DNMT3A: variants seen among roughly 807,000 people sequenced by gnomAD.
The protein encoded by DNMT3A is DNA (cytosine-5)-methyltransferase 3A.
A neutral mutation model predicts 117.6 loss-of-function variants in DNMT3A; 267 were observed. The observed-to-expected ratio is 2.27, with a 90% CI of 2.05 to 2.51. The LOEUF (loss-of-function observed/expected upper bound fraction) is 2.51, where lower values mean the gene tolerates loss of function less well. Ranked by LOEUF, DNMT3A falls within the 30% of genes most tolerant of loss-of-function variation. DNMT3A has a pLI of 0.00. For synonymous variants in DNMT3A, 432 were observed against 474.8 expected (o/e 0.91, Z 1.17); for missense variants, 1,029 against 1,260.2 (o/e 0.82, Z 2.78).
At chr2:25,276,896 G>A (rs143320543) in intron 4 of DNMT3A, among the ~76,000 whole-genome samples, 58 of 152,368 alleles carry the variant, frequency 3.8e-4, no homozygotes, top group African/African-American at 1.3e-3. Flanking sequence ...CAGTGTTCAC[G>A]CCGCGGGTCC....
At chr2:25,325,080 G>T (rs913832355) in intron 1 of DNMT3A, among the ~76,000 whole-genome samples, 1 of 152,142 alleles carries the variant, frequency 6.6e-6, no homozygotes. Flanking sequence ...CCACATGGGA[G>T]TCTGAGTCAG....
In DNMT3A at chr2:25,282,155, T is replaced by C. The variant is rs1356902669; in HGVS notation, c.448+286A>G. 1.8e-5 allele frequency: 7 copies of C among 397,724 alleles called. No individual in the cohort carries two copies. Among genetic ancestry groups the C allele is most frequent in the African/African-American group, 2.4e-5 (1 of 42,512 alleles). The allele number at this position is 397,724 out of a possible 1,614,324, so 24.6% of individuals were successfully genotyped here. ...AAAGCCCGCTGTTGCCAGATCTAGC[T>C]TTTTTTTTTTTCATGAGAAGCCAAA... On this transcript the variant is annotated intron_variant, in intron 4 of 22. Coordinates refer to ENST00000321117, the MANE Select transcript of DNMT3A (RefSeq NM_022552.5). This position sits in a 1 kb window ranked among gnomAD's most constrained non-coding sequence, Gnocchi z 5.2.
chr2:25,250,006 C>T (rs958403081), intron 6 of DNMT3A, among the ~76,000 whole-genome samples: 21 of 152,170 alleles, frequency 1.4e-4, no homozygotes, highest in African/African-American at 4.6e-4. Context: ...ACATTCCTGT[C>T]GGAGCCTCAC....
rs537870468 is a variant in DNMT3A, at chr2:25,317,861, G to A, written c.-177-3700C>T. On this transcript the variant is annotated intron_variant, in intron 1 of 22. Coordinates refer to ENST00000321117, the MANE Select transcript of DNMT3A (RefSeq NM_022552.5). ...AGCGATTCTCCTGCCTCAGCCTCCC[G>A]AGTAGCTGGGATTACAGGCATGTAC... is the stretch of plus-strand genomic sequence containing the variant. Among the ~76,000 whole-genome samples the A allele has an allele frequency of 3.7e-4, 57 of 152,242 alleles. 1 individual carries two copies. In the South Asian group the frequency reaches 0.011, roughly 30 times the overall value.
At chr2:25,259,776 C>A (rs1041885753) in intron 6 of DNMT3A, among the ~76,000 whole-genome samples, 3 of 152,186 alleles carry the variant, frequency 2.0e-5, no homozygotes, top group African/African-American at 7.2e-5. Context: ...AAAGGAGCCG[C>A]ATTCAGATTC....
intron 1 of DNMT3A, among the ~76,000 whole-genome samples, chr2:25,329,810 C>T (rs887548814): frequency 2.6e-5 from 4 of 152,116 alleles, no homozygotes; most frequent in African/African-American, 4.8e-5. Context: ...ACGCACACAG[C>T]CCCCCTCATG....
intron 6 of DNMT3A, among the ~76,000 whole-genome samples, chr2:25,249,390 T>A (rs1477480096): frequency 6.6e-6 from 1 of 152,182 alleles, no homozygotes; most frequent in African/African-American, 2.4e-5. Flanking sequence ...CCCCAGCACA[T>A]GCTCAAACAC....
chr2:25,244,165 TC>T lies in DNMT3A; in HGVS notation c.1840del (p.Asp614ThrfsTer37), dbSNP rs757911864. 1 of 1,613,728 alleles carries T rather than the reference TC, an allele frequency of 6.2e-7. No individual in the cohort carries two copies. The highest frequency in any genetic ancestry group is 8.5e-7 in the Non-Finnish European group (1 of 1,179,974). Reference protein sequence around the residue: ...RLQMFFANNHDQEFDPPKVYP... With the variant: ...RLQMFFANNHXQEFDPPKVYP... ...AGGCCCAGCACTCACAAATTCCTGG[TC>T]GTGGTTATTAGCGAAGAACATCTGG... On this transcript the variant is annotated frameshift_variant, in exon 15 of 23. Transcript: ENST00000321117. LOFTEE classifies it high-confidence loss of function.
At chr2:25,316,256 T>C (rs1156316215) in intron 1 of DNMT3A, among the ~76,000 whole-genome samples, 3 of 152,180 alleles carry the variant, frequency 2.0e-5, no homozygotes, top group Non-Finnish European at 4.4e-5. Flanking sequence ...AGAGAAGCTC[T>C]GGAGAGGAAG....
chr2:25,250,510 CCA>C (rs1442206174), intron 6 of DNMT3A, among the ~76,000 whole-genome samples: 3 of 152,184 alleles, frequency 2.0e-5, no homozygotes, highest in Non-Finnish European at 4.4e-5. Context: ...CTCCCTAGCC[CCA>C]CTCTCACCTG....
rs1573464085 is a variant in DNMT3A, at chr2:25,304,211, C to T, written c.73-3968G>A. Reference sequence around the variant, plus strand: ...ACGTAGGCTTTGGAGAGGGCAGAGCCGGGCTGGGAGTTTCGCTCTGCTCTT... The same window carrying T: ...ACGTAGGCTTTGGAGAGGGCAGAGCTGGGCTGGGAGTTTCGCTCTGCTCTT... On this transcript the variant is annotated intron_variant, in intron 2 of 22. Transcript: ENST00000321117. The surrounding 1 kb of genome is among the most constrained non-coding windows in gnomAD (Gnocchi z 4.3). 6.6e-6 allele frequency among the ~76,000 whole-genome samples: 1 copy of T among 152,118 alleles called. No individual in the cohort carries two copies. Among genetic ancestry groups the T allele is most frequent in the Non-Finnish European group, 1.5e-5 (1 of 68,022 alleles).
chr2:25,323,449 G>T (rs1400134545), intron 1 of DNMT3A, among the ~76,000 whole-genome samples: 1 of 152,178 alleles, frequency 6.6e-6, no homozygotes, highest in African/African-American at 2.4e-5. Context: ...GGCTCCCTGG[G>T]AGGCCAACTG....
rs1186092538 is a variant in DNMT3A at position 25,249,750 on chromosome 2, T to G, written c.640-1498A>C. 1.9e-6 allele frequency: 3 copies of G among 1,613,512 alleles called. No individual in the cohort carries two copies. The South Asian group carries it at 3.3e-5, about 18-fold the overall frequency. On this transcript the variant is annotated intron_variant, in intron 6 of 22. Coordinates refer to ENST00000321117, the MANE Select transcript of DNMT3A (RefSeq NM_022552.5). The stretch of plus-strand genomic sequence containing the variant: ...CTACAAAGGAGAATGAAATCCTTGA[T>G]ACTTAGCTCTGAGAACCATTAGCCT...
At chr2:25,290,188 G>A (rs1367332751) in intron 3 of DNMT3A, among the ~76,000 whole-genome samples, 1 of 152,066 alleles carries the variant, frequency 6.6e-6, no homozygotes, top group African/African-American at 2.4e-5. Context: ...TCACTCTGCT[G>A]CCCAGGCTGG....
chr2:25,326,104 A>ATGTGTGTG (rs1218749742), intron 1 of DNMT3A, among the ~76,000 whole-genome samples: 35 of 109,932 alleles, frequency 3.2e-4, no homozygotes, highest in African/African-American at 1.3e-3. Context: ...TTAACTTGAT[A>ATGTGTGTG]TATATGTGTG....
rs1056948681 is a variant in DNMT3A, at chr2:25,232,442, A to G, written c.*1837T>C. 2.6e-5 allele frequency: 4 copies of G among 152,256 alleles called. No homozygotes were observed. Among genetic ancestry groups the G allele is most frequent in the African/African-American group, 9.7e-5 (4 of 41,450 alleles). 9.4% of individuals were successfully genotyped at this position (152,256 alleles called of 1,614,324 possible). On this transcript the variant is annotated 3_prime_UTR_variant, in exon 23 of 23. Coordinates refer to ENST00000321117, the MANE Select transcript of DNMT3A (RefSeq NM_022552.5). The surrounding 1 kb of genome is among the most constrained non-coding windows in gnomAD (Gnocchi z 4.1). ...CCAGGTGCTGCTGACTCGAGGTAAG[A>G]GCACAGCTATCATCAGACCAAGTAC...
chr2:25,299,046 G>T (rs1459180649), intron 3 of DNMT3A, among the ~76,000 whole-genome samples: 1 of 151,926 alleles, frequency 6.6e-6, no homozygotes, highest in Non-Finnish European at 1.5e-5. Context: ...TTTCTTTGAA[G>T]GGCTGAGTAA....
Position 25,237,110 on chromosome 2 carries a change from G to A in DNMT3A, c.2409-105C>T. The stretch of plus-strand genomic sequence containing the variant: ...TCCCCCAGCAGCCACTAGTTCACAG[G>A]GTAAGAGCCCCTTCCCCAAATCACG... On this transcript the variant is annotated intron_variant, in intron 20 of 22. Transcript: ENST00000321117. The surrounding 1 kb of genome is among the most constrained non-coding windows in gnomAD (Gnocchi z 5.4). The A allele has an allele frequency of 8.8e-7, 1 of 1,133,098 alleles. No individual in the cohort carries two copies. The allele number at this position is 1,133,098 out of a possible 1,614,324, so 70.2% of individuals were successfully genotyped here.
At position 25,327,186 on chromosome 2, in the gene DNMT3A, T is replaced by A. The variant is rs1253758903; in HGVS notation, c.-177-13025A>T. On this transcript the variant is annotated intron_variant, in intron 1 of 22. Coordinates refer to ENST00000321117, the MANE Select transcript of DNMT3A (RefSeq NM_022552.5). This position sits in a 1 kb window ranked among gnomAD's most constrained non-coding sequence, Gnocchi z 4.1. ...ATTCTTTGGAGTTATTTTTACTTCT[T>A]ACTAGCCAATTCCTCATTATTCCAA... Among the ~76,000 whole-genome samples, 1 of 152,250 alleles carries A rather than the reference T, an allele frequency of 6.6e-6. No individual in the cohort carries two copies. The highest frequency in any genetic ancestry group is 1.5e-5 in the Non-Finnish European group (1 of 68,050).
Sources: gnomAD v4.1 joint callset for allele counts (sites outside exome capture counted in the v4.1 genomes callset) on GRCh38, gnomAD v4.1.1 for gene constraint, Gnocchi (gnomAD v3.1) non-coding constraint, MANE v1.5 for transcripts, NCBI Gene and HGNC (gene_info 2026-07-23, HGNC 2026-07-21) for gene names.